Variants in BCAS3 observed in about 807,000 individuals in gnomAD.
BCAS3 encodes BCAS4/BCAS3 fusion.
Under a neutral mutation model 116.1 loss-of-function variants are expected in BCAS3, and 53 were observed. The observed-to-expected ratio is 0.46, with a 90% CI of 0.37 to 0.57. The LOEUF (loss-of-function observed/expected upper bound fraction) is 0.57, where lower values mean the gene tolerates loss of function less well. BCAS3 is among the 20% of genes least tolerant of loss of function. BCAS3 has a pLI of 0.00. For synonymous variants in BCAS3, 391 were observed against 408.2 expected (o/e 0.96, Z 0.51); for missense variants, 917 against 1,165.4 (o/e 0.79, Z 3.10).
At chr17:61,025,894 C>T (rs2052904368) in intron 16 of BCAS3, among the ~76,000 whole-genome samples, 1 of 152,012 alleles carries the variant, frequency 6.6e-6, no homozygotes, top group Non-Finnish European at 1.5e-5. Context: ...ACTCAGTTTA[C>T]TGGGAAAAAA....
At chr17:60,867,821 A>G (rs932465153) in intron 7 of BCAS3, among the ~76,000 whole-genome samples, 1 of 152,154 alleles carries the variant, frequency 6.6e-6, no homozygotes, top group African/African-American at 2.4e-5. Context: ...AGAAGTTATG[A>G]TAATAAGCAT....
intron 1 of BCAS3, among the ~76,000 whole-genome samples, chr17:60,678,175 C>T (rs1045281230): frequency 1.2e-4 from 19 of 152,198 alleles, no homozygotes; most frequent in Non-Finnish European, 5.9e-5. Flanking sequence ...CCCCAGGAGA[C>T]AGGGCCCTTA....
At chr17:60,724,706 A>T (rs2039641246) in intron 5 of BCAS3, among the ~76,000 whole-genome samples, 1 of 150,324 alleles carries the variant, frequency 6.7e-6, no homozygotes. Flanking sequence ...CTGACAACAG[A>T]GTGAGACTTC....
intron 9 of BCAS3, chr17:60,887,057 T>A (rs1465423972): frequency 6.4e-6 from 1 of 155,654 alleles, no homozygotes; most frequent in Non-Finnish European, 1.4e-5. Flanking sequence ...GCTGCCGCCT[T>A]GCAGTTTGAT....
chr17:60,976,295 A>G (rs965183382), intron 14 of BCAS3, among the ~76,000 whole-genome samples: 9 of 151,720 alleles, frequency 5.9e-5, no homozygotes, highest in African/African-American at 2.2e-4. Context: ...AAGTGCTGGG[A>G]TTACAGGCTT....
chr17:60,712,980 G>A (rs916381334), intron 5 of BCAS3, among the ~76,000 whole-genome samples: 2 of 152,182 alleles, frequency 1.3e-5, no homozygotes, highest in Non-Finnish European at 2.9e-5. Flanking sequence ...CTGTCTAGGT[G>A]TGGTGTCATT....
In BCAS3 at chr17:61,041,499, T is replaced by C. The variant is rs903218659; in HGVS notation, c.2029+607T>C. Among the ~76,000 whole-genome samples, 1 of 150,292 alleles carries C rather than the reference T, an allele frequency of 6.7e-6. No homozygotes were observed. The highest frequency in any genetic ancestry group is 2.4e-5 in the African/African-American group (1 of 41,298). The stretch of plus-strand genomic sequence containing the variant: ...GTATTTATTATCCAGTTTGCGTTTA[T>C]AGAATTAAAAATTATTTACAATTAT... On this transcript the variant is annotated intron_variant, in intron 19 of 23. Coordinates refer to ENST00000407086, the MANE Select transcript of BCAS3 (RefSeq NM_017679.5). This position sits in a 1 kb window ranked among gnomAD's most constrained non-coding sequence, Gnocchi z 4.7.
chr17:61,376,300 T>C lies in BCAS3; in HGVS notation c.2593+7806T>C, dbSNP rs1031637835. ...TTCCTGTCCTAAGCAAACCCGGAGGTTGTGTGAGCTGAAGATGCTGCCTTC... is the reference window on the plus strand; with the variant it reads ...TTCCTGTCCTAAGCAAACCCGGAGGCTGTGTGAGCTGAAGATGCTGCCTTC... On this transcript the variant is annotated intron_variant, in intron 23 of 23. Coordinates refer to ENST00000407086, the MANE Select transcript of BCAS3 (RefSeq NM_017679.5). This position sits in a 1 kb window ranked among gnomAD's most constrained non-coding sequence, Gnocchi z 4.5. Among the ~76,000 whole-genome samples, 2 of 152,032 alleles carry C rather than the reference T, an allele frequency of 1.3e-5. No individual in the cohort carries two copies. Among genetic ancestry groups the C allele is most frequent in the Non-Finnish European group, 2.9e-5 (2 of 68,008 alleles).
intron 5 of BCAS3, among the ~76,000 whole-genome samples, chr17:60,738,676 A>AGACC (rs138961626): frequency 0.032 from 4,825 of 152,250 alleles, 238 homozygotes; most frequent in African/African-American, 0.1. Context: ...TGACATATTT[A>AGACC]ATTGATGTTT....
chr17:61,345,960 G>C (rs1327273556), intron 22 of BCAS3, among the ~76,000 whole-genome samples: 1 of 152,246 alleles, frequency 6.6e-6, no homozygotes, highest in Non-Finnish European at 1.5e-5. Flanking sequence ...CGATGAGTGA[G>C]TTGAGTGAGT....
At chr17:60,934,246 T>A (rs2059808084) in intron 13 of BCAS3, among the ~76,000 whole-genome samples, 2 of 152,170 alleles carry the variant, frequency 1.3e-5, no homozygotes, top group Non-Finnish European at 2.9e-5. Flanking sequence ...AGCCCTGGGT[T>A]CCATCAGTAA....
chr17:61,090,883 C>T (rs1363471746), intron 22 of BCAS3, among the ~76,000 whole-genome samples: 3 of 152,164 alleles, frequency 2.0e-5, no homozygotes. Context: ...TCTCAGACTC[C>T]TGACCTCGCG....
chr17:61,178,795 C>T (rs2079298883), intron 22 of BCAS3, among the ~76,000 whole-genome samples: 2 of 152,022 alleles, frequency 1.3e-5, no homozygotes, highest in Admixed American at 1.3e-4. Flanking sequence ...ATTAGTACCC[C>T]CAAATTTAAC....
rs1269862146 is a variant in BCAS3 at position 61,068,190 on chromosome 17, T to C, written c.2030-6730T>C. Among the ~76,000 whole-genome samples the C allele has an allele frequency of 6.6e-6, 1 of 152,210 alleles. No individual in the cohort carries two copies. Among genetic ancestry groups the C allele is most frequent in the Non-Finnish European group, 1.5e-5 (1 of 68,034 alleles). ...TATTTTGTATCTTGGTCCATTGAACTTGGATTTGCAAGATATGTAACTTTA... is the reference window on the plus strand; with the variant it reads ...TATTTTGTATCTTGGTCCATTGAACCTGGATTTGCAAGATATGTAACTTTA... On this transcript the variant is annotated intron_variant, in intron 19 of 23. Transcript: ENST00000407086. The surrounding 1 kb of genome is among the most constrained non-coding windows in gnomAD (Gnocchi z 4.3).
chr17:60,877,887 GT>G (rs1361642787), intron 9 of BCAS3, among the ~76,000 whole-genome samples: 3 of 151,966 alleles, frequency 2.0e-5, no homozygotes, highest in Non-Finnish European at 4.4e-5. Context: ...TGAAATGTAT[GT>G]TACTTAAATG....
At chr17:61,177,244 C>T (rs939868339) in intron 22 of BCAS3, among the ~76,000 whole-genome samples, 5 of 152,194 alleles carry the variant, frequency 3.3e-5, no homozygotes, top group South Asian at 2.1e-4. Context: ...ATATAAGAAC[C>T]GTACATGAAA....
chr17:60,939,249 G>A (rs2060102986), intron 13 of BCAS3, among the ~76,000 whole-genome samples: 1 of 152,022 alleles, frequency 6.6e-6, no homozygotes, highest in Admixed American at 6.6e-5. Flanking sequence ...TCGTCAACAT[G>A]GTGAAACCCT....
At chr17:61,107,287 A>G (rs1046979623) in intron 22 of BCAS3, among the ~76,000 whole-genome samples, 1 of 151,940 alleles carries the variant, frequency 6.6e-6, no homozygotes, top group Non-Finnish European at 1.5e-5. Flanking sequence ...GGGTTTCACC[A>G]TCTTGGCCAG....
intron 22 of BCAS3, among the ~76,000 whole-genome samples, chr17:61,207,874 G>A (rs1046849576): frequency 6.6e-6 from 1 of 152,184 alleles, no homozygotes; most frequent in Non-Finnish European, 1.5e-5. Context: ...TTAGTGAGAA[G>A]TGGTGGGTAG....
Sources: gnomAD v4.1 joint callset for allele counts (sites outside exome capture counted in the v4.1 genomes callset) on GRCh38, gnomAD v4.1.1 for gene constraint, Gnocchi (gnomAD v3.1) non-coding constraint, MANE v1.5 for transcripts, NCBI Gene and HGNC (gene_info 2026-07-23, HGNC 2026-07-21) for gene names.